The following SRRD variants were observed in gnomAD, a reference collection of about 807,000 sequenced individuals.
SRRD encodes the protein SRR1-like protein.
SRRD carries 28 observed loss-of-function variants against 30.7 expected under a neutral mutation model. That is an observed-to-expected ratio of 0.91 (90% CI 0.68 to 1.25). The LOEUF is 1.25. Ranked by LOEUF, SRRD falls within the 50% of genes most tolerant of loss-of-function variation. SRRD has a pLI of 0.00. For missense variants in SRRD, 415 were observed against 417.3 expected (o/e 0.99, Z 0.05); for synonymous variants, 161 against 159.6 (o/e 1.01, Z -0.07).
At chr22:26,488,883 T>C (rs539243766) in intron 4 of SRRD, among the ~76,000 whole-genome samples, 115 of 152,336 alleles carry the variant, frequency 7.5e-4, no homozygotes, top group African/African-American at 2.6e-3. Flanking sequence ...GCATTCCTCT[T>C]TGATGCTATA....
chr22:26,492,176 T>C lies in SRRD; in HGVS notation c.*504T>C. 1.2e-6 allele frequency: 2 copies of C among 1,614,244 alleles called. No homozygotes were observed. Among genetic ancestry groups the C allele is most frequent in the Non-Finnish European group, 1.7e-6 (2 of 1,180,048 alleles). The stretch of plus-strand genomic sequence containing the variant: ...AATGACGGGCATGAAGACAATGTTG[T>C]GCTCCTCAGCCTTGGTCTCAATGAG... On this transcript the variant is annotated 3_prime_UTR_variant, in exon 7 of 7. Coordinates refer to ENST00000215917, the MANE Select transcript of SRRD (RefSeq NM_001013694.3).
chr22:26,493,813 T>C lies in SRRD; in HGVS notation c.*2141T>C, dbSNP rs1173450721. ...TGTAAGATGCGTCACCTAAGCAGCA[T>C]GCTCAGGCATGAATGAGCCTTAAAA... On this transcript the variant is annotated 3_prime_UTR_variant, in exon 7 of 7. Coordinates refer to ENST00000215917, the MANE Select transcript of SRRD (RefSeq NM_001013694.3). 6.9e-6 allele frequency: 2 copies of C among 290,996 alleles called. No homozygotes were observed. Among genetic ancestry groups the C allele is most frequent in the Non-Finnish European group, 1.3e-5 (2 of 150,288 alleles). The allele number at this position is 290,996 out of a possible 1,614,324, so 18.0% of individuals were successfully genotyped here. A position where few individuals can be genotyped will look rare whatever the true frequency, so the allele number is the denominator to read the frequency against.
chr22:26,491,305 G>A (rs978171720), intron 6 of SRRD, 158 bp from the exon 7 acceptor site: 14 of 736,044 alleles, frequency 1.9e-5, no homozygotes, highest in African/African-American at 1.1e-4. Flanking sequence ...TCCTTGGGGC[G>A]CCCAATTCAT....
At chr22:26,489,682 T>A (rs1569151919) in intron 4 of SRRD, among the ~76,000 whole-genome samples, 1 of 151,958 alleles carries the variant, frequency 6.6e-6, no homozygotes. Flanking sequence ...GGAAGTGACA[T>A]AGGAAGTGTG....
chr22:26,491,179 G>A lies in SRRD; in HGVS notation c.810+109G>A, dbSNP rs1377086415. 7 of 1,130,748 alleles carry A rather than the reference G, an allele frequency of 6.2e-6. No individual in the cohort carries two copies. The African/African-American group carries it at 6.3e-5, about 10-fold the overall frequency. 70.0% of individuals were successfully genotyped at this position (1,130,748 alleles called of 1,614,324 possible). A position where few individuals can be genotyped will look rare whatever the true frequency, so the allele number is the denominator to read the frequency against. On this transcript the variant is annotated intron_variant, in intron 6 of 6. Transcript: ENST00000215917. ...AACTCATGGGCTAAGTGGCGCTAGT[G>A]TACTGTCAGCTCTCTCCATGGGTCT...
Position 26,484,008 on chromosome 22 carries a change from GC to G in SRRD, c.119del (p.Ala40GlyfsTer44), listed in dbSNP as rs2147094230. 7.4e-7 allele frequency: 1 copy of G among 1,356,422 alleles called. No homozygotes were observed. Among genetic ancestry groups the G allele is most frequent in the Non-Finnish European group, 9.5e-7 (1 of 1,057,180 alleles). 84.0% of individuals were successfully genotyped at this position (1,356,422 alleles called of 1,614,324 possible). On this transcript the variant is annotated frameshift_variant, in exon 1 of 7. Transcript: ENST00000215917. LOFTEE classifies it high-confidence loss of function. Reference sequence around the variant, plus strand: ...GGCGGCGCCCCGGGGGAGAGAGGCGGCGCCCCGGGGGAGAGAGGCGGCGCCC... The same window carrying G: ...GGCGGCGCCCCGGGGGAGAGAGGCGGGCCCCGGGGGAGAGAGGCGGCGCCC... Reference protein sequence around the residue: ...REAAPRGREAAPRGREAAPRG... With the variant: ...REAAPRGREAXPRGREAAPRG...
At chr22:26,485,495 G>A (rs749098782) in intron 1 of SRRD, among the ~76,000 whole-genome samples, 1 of 152,104 alleles carries the variant, frequency 6.6e-6, no homozygotes, top group Non-Finnish European at 1.5e-5. Context: ...CAGTTGACTT[G>A]AATAAAGAAA....
chr22:26,484,015 G>C lies in SRRD; in HGVS notation c.125G>C (p.Arg42Pro). The C allele has an allele frequency of 7.5e-7, 1 of 1,326,008 alleles. No homozygotes were observed. Among genetic ancestry groups the C allele is most frequent in the Non-Finnish European group, 9.7e-7 (1 of 1,033,296 alleles). 82.1% of individuals were successfully genotyped at this position (1,326,008 alleles called of 1,614,324 possible). ...CCCCGGGGGAGAGAGGCGGCGCCCC[G>C]GGGGAGAGAGGCGGCGCCCCGGGGC... ...AAPRGREAAP[R>P]GREAAPRGPE... The change falls in exon 1 of 7, where the codon CGG (arginine) becomes CCG (proline). Residue 42 changes from arginine to proline, a missense_variant. Arg to Pro is a moderately radical substitution (Grantham distance 103, BLOSUM62 -2). Transcript: ENST00000215917.
rs1243380840 is a variant in SRRD, at chr22:26,488,482, GA to G, written c.605del (p.Asn202ThrfsTer35). Reference sequence around the variant, plus strand: ...CCCTTGGTGTGACTGTTCTCAGTGAGAACGAGGTAAGTGGTTTAAAGGGGAG... The same window carrying G: ...CCCTTGGTGTGACTGTTCTCAGTGAGACGAGGTAAGTGGTTTAAAGGGGAG... ...NTLGVTVLSENEEGKRSIRGE... is the reference protein window; with the variant it reads ...NTLGVTVLSEXEEGKRSIRGE... On this transcript the variant is annotated frameshift_variant, in exon 4 of 7. Coordinates refer to ENST00000215917, the MANE Select transcript of SRRD (RefSeq NM_001013694.3). LOFTEE classifies it high-confidence loss of function. 6.2e-7 allele frequency: 1 copy of G among 1,613,336 alleles called. No homozygotes were observed. Among genetic ancestry groups the G allele is most frequent in the Non-Finnish European group, 8.5e-7 (1 of 1,179,340 alleles).
At chr22:26,489,294 G>C (rs2091730723) in intron 4 of SRRD, among the ~76,000 whole-genome samples, 6 of 152,128 alleles carry the variant, frequency 3.9e-5, no homozygotes, top group Admixed American at 3.9e-4. Flanking sequence ...CAGTCCCTGT[G>C]TTCAGGGAGC....
At chr22:26,489,733 C>A (rs1408519019) in intron 4 of SRRD, among the ~76,000 whole-genome samples, 1 of 152,114 alleles carries the variant, frequency 6.6e-6, no homozygotes, top group Non-Finnish European at 1.5e-5. Flanking sequence ...TAAGTAACAT[C>A]ACTATCCCTC....
Position 26,486,014 on chromosome 22 carries a change from TC to T in SRRD, c.210-8del. On this transcript the variant is annotated splice_region_variant and splice_polypyrimidine_tract_variant and intron_variant, in intron 1 of 6. Coordinates refer to ENST00000215917, the MANE Select transcript of SRRD (RefSeq NM_001013694.3). ...TGGGACATGACTGTGCCATTTTTTTTCTCAACAGGAAGGACCTGTTTATCTC... is the reference window on the plus strand; with the variant it reads ...TGGGACATGACTGTGCCATTTTTTTTTCAACAGGAAGGACCTGTTTATCTC... 1 of 1,614,216 alleles carries T rather than the reference TC, an allele frequency of 6.2e-7. No individual in the cohort carries two copies. The highest frequency in any genetic ancestry group is 8.5e-7 in the Non-Finnish European group (1 of 1,180,026).
chr22:26,491,943 A>C lies in SRRD; in HGVS notation c.*271A>C. On this transcript the variant is annotated 3_prime_UTR_variant, in exon 7 of 7. Coordinates refer to ENST00000215917, the MANE Select transcript of SRRD (RefSeq NM_001013694.3). ...AAGTTACCCTTTTGAAGGTGATCTA[A>C]AAATACTGTTTATTTACAGTACATC... 1.4e-6 allele frequency: 2 copies of C among 1,416,084 alleles called. No homozygotes were observed. The highest frequency in any genetic ancestry group is 4.3e-5 in the Admixed American group (2 of 46,804). 87.7% of individuals were successfully genotyped at this position (1,416,084 alleles called of 1,614,324 possible). A position where few individuals can be genotyped will look rare whatever the true frequency, so the allele number is the denominator to read the frequency against.
At chr22:26,489,266 A>T (rs2091730306) in intron 4 of SRRD, among the ~76,000 whole-genome samples, 1 of 152,068 alleles carries the variant, frequency 6.6e-6, no homozygotes, top group Non-Finnish European at 1.5e-5. Flanking sequence ...CTTTGGGGAG[A>T]CCAAGAAAAA....
chr22:26,490,899 C>T, intron 5 of SRRD, 126 bp from the exon 6 acceptor site: 2 of 874,942 alleles, frequency 2.3e-6, no homozygotes, highest in Non-Finnish European at 3.5e-6. Context: ...TGAGTTTTTT[C>T]CTGAATTCTT....
chr22:26,489,202 T>C (rs1424672334), intron 4 of SRRD, among the ~76,000 whole-genome samples: 1 of 152,200 alleles, frequency 6.6e-6, no homozygotes, highest in East Asian at 1.9e-4. Context: ...CCTAAAACAC[T>C]GTCACTCAGT....
intron 5 of SRRD, among the ~76,000 whole-genome samples, chr22:26,490,559 C>T (rs1171427911): frequency 5.8e-3 from 300 of 51,766 alleles, no homozygotes; most frequent in South Asian, 9.3e-3. Flanking sequence ...GGAATATTTG[C>T]TTTTTTTTTT....
intron 1 of SRRD, among the ~76,000 whole-genome samples, chr22:26,484,854 T>A (rs568476851): frequency 1.0e-3 from 159 of 152,356 alleles, no homozygotes; most frequent in Non-Finnish European, 1.8e-3. Context: ...TTATCTTTAT[T>A]CGCAGTTTTG....
At chr22:26,491,329 T>G (rs1161268128) in intron 6 of SRRD, 134 bp from the exon 7 acceptor site, 4 of 807,234 alleles carry the variant, frequency 5.0e-6, no homozygotes, top group Non-Finnish European at 7.9e-6. Context: ...GCAAAAGCAT[T>G]TAAATCAAAA....
Sources: gnomAD v4.1 joint callset for allele counts (sites outside exome capture counted in the v4.1 genomes callset) on GRCh38, gnomAD v4.1.1 for gene constraint, MANE v1.5 for transcripts, NCBI Gene and HGNC (gene_info 2026-07-23, HGNC 2026-07-21) for gene names.